Variants in SSUH2 observed in about 807,000 individuals in gnomAD.
The protein encoded by SSUH2 is protein SSUH2 homolog.
A neutral mutation model predicts 55.3 loss-of-function variants in SSUH2; 47 were observed. That is an observed-to-expected ratio of 0.85 (90% CI 0.67 to 1.08). The LOEUF is 1.08. Among genes scored for constraint, SSUH2 ranks in the 50% least tolerant of loss-of-function variants. SSUH2 has a pLI of 0.00. For synonymous variants in SSUH2, 212 were observed against 191.5 expected, an observed-to-expected ratio of 1.11 and a Z score of -0.89; for missense variants, 535 against 490.7, an observed-to-expected ratio of 1.09 and a Z score of -0.85.
Position 8,629,710 on chromosome 3 carries a change from T to C in SSUH2, c.542A>G (p.His181Arg), listed in dbSNP as rs775724130. Residue 181 changes from histidine to arginine, a missense_variant, in exon 7 of 12, where the codon CAT (histidine) becomes CGT (arginine). Physicochemically the swap from His to Arg is conservative, Grantham distance 29. Transcript: ENST00000544814. ...GCTGCACTTGTACCGCCCACGCCCA[T>C]GGCATTTGTGGCATTCCTGAAAGTG... The part of the protein sequence containing the change: ...SSLVKECHKC[H>R]GRGRYKCSGC... 16 of 1,613,932 alleles carry C rather than the reference T, an allele frequency of 9.9e-6. No homozygotes were observed. The Admixed American group carries it at 2.5e-4, about 25-fold the overall frequency.
chr3:8,665,399 C>T (rs1433746525), intron 5 of SSUH2, among the ~76,000 whole-genome samples: 1 of 152,250 alleles, frequency 6.6e-6, no homozygotes, highest in South Asian at 2.1e-4. Context: ...TGTTAATTAG[C>T]ATAGTCTGTT....
chr3:8,622,323 C>T (rs563849257), intron 11 of SSUH2, among the ~76,000 whole-genome samples: 1 of 152,314 alleles, frequency 6.6e-6, no homozygotes, highest in East Asian at 1.9e-4. Flanking sequence ...CTTCCTGGCT[C>T]CCGGAATGGC....
At chr3:8,662,830 C>A (rs1170697599) in intron 6 of SSUH2, among the ~76,000 whole-genome samples, 1 of 152,222 alleles carries the variant, frequency 6.6e-6, no homozygotes, top group African/African-American at 2.4e-5. Flanking sequence ...TGTGATGACA[C>A]CCACGTGGCT....
rs59930358 is a variant in SSUH2, at chr3:8,637,833, C to CTTGTTTGT, written c.29-1984_29-1977dup. On this transcript the variant is annotated intron_variant, in intron 1 of 11. Transcript: ENST00000544814. ...AGCTGAACTGCCCCATCTCCTAGAG[C>CTTGTTTGT]TTGTTTGTTTGTTTGTTTGTTTGTT... Among the ~76,000 whole-genome samples the CTTGTTTGT allele has an allele frequency of 1.3e-4, 20 of 151,554 alleles. No individual in the cohort carries two copies. In the South Asian group the frequency reaches 1.7e-3, roughly 13 times the overall value.
intron 5 of SSUH2, among the ~76,000 whole-genome samples, chr3:8,668,734 A>G (rs1454000432): frequency 6.6e-6 from 1 of 152,240 alleles, no homozygotes; most frequent in Admixed American, 6.5e-5. Context: ...TTTTCTCCCC[A>G]AGTGAAGTTT....
At position 8,650,941 on chromosome 3, in the gene SSUH2, T is replaced by C. The variant is rs143203541; in HGVS notation, c.-307+7984A>G. On this transcript the variant is annotated intron_variant, in intron 7 of 18. Coordinates refer to the SSUH2 transcript ENST00000317371. ...AGAAAATGGAAGAGGTTTTAAATCG[T>C]GGCTCCTGGCAGGCAAGGAGAACAG... Among the ~76,000 whole-genome samples the C allele has an allele frequency of 3.7e-3, 570 of 152,338 alleles. 6 individuals are homozygous for C. The highest frequency in any genetic ancestry group is 0.013 in the African/African-American group (554 of 41,574).
At chr3:8,670,930 T>C (rs531086467) in intron 5 of SSUH2, 3 of 337,222 alleles carry the variant, frequency 8.9e-6, no homozygotes, top group Non-Finnish European at 1.9e-5. Flanking sequence ...TGTGACTCTG[T>C]GTACACCCCG....
upstream of SSUH2, chr3:8,644,938 G>A (rs1480691584): frequency 2.5e-5 from 16 of 639,848 alleles, no homozygotes; most frequent in Non-Finnish European, 4.2e-5. Context: ...CAATCCACCG[G>A]GTTCTGGGAG....
At chr3:8,623,385 A>G (rs1222863433) in intron 11 of SSUH2, 164 bp downstream of exon 11, 6 of 573,350 alleles carry the variant, frequency 1.0e-5, no homozygotes, top group Non-Finnish European at 1.9e-5. Context: ...GCCCTGCTCC[A>G]TGCCCTGGGG....
rs12493044 is a variant in SSUH2 at position 8,651,491 on chromosome 3, C to T, written c.-307+7434G>A. On this transcript the variant is annotated intron_variant, in intron 7 of 18. Transcript: ENST00000317371. ...CAGGGCTTCCTCCATGACAAATACA[C>T]TTTGAATGTTGCCCTGAGGTCCCCA... 4.8e-3 allele frequency among the ~76,000 whole-genome samples: 725 copies of T among 152,282 alleles called. 4 individuals are homozygous for T. The highest frequency in any genetic ancestry group is 0.016 in the South Asian group (79 of 4,810).
Position 8,678,891 on chromosome 3 carries a change from GGGA to G in SSUH2, c.-901+811_-901+813del, listed in dbSNP as rs1705681021. On this transcript the variant is annotated intron_variant, in intron 2 of 18. Transcript: ENST00000317371. ...CTGGCTCTTAGGATCCCCATTGCAA[GGGA>G]GGGAGGCACCCCCCGCCAGGCGGGG... Among the ~76,000 whole-genome samples, 2 of 115,178 alleles carry G rather than the reference GGGA, an allele frequency of 1.7e-5. 1 individual carries two copies. Among genetic ancestry groups the G allele is most frequent in the South Asian group, 6.2e-4 (2 of 3,244 alleles). 75.6% of individuals were successfully genotyped at this position (115,178 alleles called of 152,430 possible).
intron 1 of SSUH2, among the ~76,000 whole-genome samples, chr3:8,681,025 T>A (rs561269511): frequency 2.5e-4 from 35 of 137,834 alleles, no homozygotes; most frequent in Admixed American, 2.3e-3. Context: ...AACCTCCAAG[T>A]GGCGGGGACT....
intron 1 of SSUH2, among the ~76,000 whole-genome samples, chr3:8,641,215 C>A (rs1296123351): frequency 6.6e-6 from 1 of 151,966 alleles, no homozygotes; most frequent in Non-Finnish European, 1.5e-5. Context: ...TGCCAAACGG[C>A]TTCTTAAGAA....
intron 1 of SSUH2, among the ~76,000 whole-genome samples, chr3:8,642,094 T>A (rs1219049975): frequency 6.6e-6 from 1 of 152,218 alleles, no homozygotes; most frequent in Non-Finnish European, 1.5e-5. Context: ...AGCTGCCTCC[T>A]AAAATTACCA....
Position 8,679,041 on chromosome 3 carries a change from C to G in SSUH2, c.-901+664G>C, listed in dbSNP as rs1383176793. On this transcript the variant is annotated intron_variant, in intron 2 of 18. Coordinates refer to the SSUH2 transcript ENST00000317371. Reference sequence around the variant, plus strand: ...TCTTCCCCCCCTGGCTCTTAGGACACCAAACGCAGGGGAGGAAGCACCCCC... The same window carrying G: ...TCTTCCCCCCCTGGCTCTTAGGACAGCAAACGCAGGGGAGGAAGCACCCCC... 6.7e-4 allele frequency among the ~76,000 whole-genome samples: 72 copies of G among 108,026 alleles called. 23 individuals carry two copies. Among genetic ancestry groups the G allele is most frequent in the Non-Finnish European group, 1.4e-3 (67 of 46,474 alleles). The allele number at this position is 108,026 out of a possible 152,430, so 70.9% of individuals were successfully genotyped here.
chr3:8,646,002 T>C (rs1701636921), upstream of SSUH2, among the ~76,000 whole-genome samples: 1 of 152,216 alleles, frequency 6.6e-6, no homozygotes. Context: ...TTGAGAGTCA[T>C]ATAAGTTTCA....
At chr3:8,625,444 C>T (rs914615888) in intron 10 of SSUH2, 98 bp downstream of exon 10, 2 of 728,808 alleles carry the variant, frequency 2.7e-6, no homozygotes, top group Non-Finnish European at 4.8e-6. Context: ...CCTGTCCTTC[C>T]AAGGAATGCA....
exon 3 of SSUH2, chr3:8,677,259 G>GC (rs1705484587): frequency 6.6e-6 from 1 of 151,778 alleles, no homozygotes; most frequent in African/African-American, 2.4e-5. Context: ...GCTGCCGAAG[G>GC]CAGGTACCTT....
chr3:8,635,479 C>T, intron 2 of SSUH2, 98 bp from the exon 3 acceptor site: 1 of 948,990 alleles, frequency 1.1e-6, no homozygotes, highest in Non-Finnish European at 1.6e-6. Context: ...TGAGAAAGAA[C>T]AGATGAAGAA....
Sources: allele counts gnomAD v4.1 joint callset (sites outside exome capture counted in the v4.1 genomes callset), GRCh38; gene constraint gnomAD v4.1.1; transcripts MANE v1.5; gene names NCBI Gene and HGNC (gene_info 2026-07-23, HGNC 2026-07-21).